IGF1R: variants seen among roughly 807,000 people sequenced by gnomAD.
The protein encoded by IGF1R is insulin like growth factor 1 receptor.
In IGF1R, 44 loss-of-function variants were observed where a neutral mutation model predicts 144.6. The ratio of observed to expected loss-of-function variants is 0.30; its 90% CI spans 0.24 to 0.39. The LOEUF (loss-of-function observed/expected upper bound fraction) is 0.39, where lower values mean the gene tolerates loss of function less well. IGF1R is among the 10% of genes least tolerant of loss of function. The pLI, the probability that IGF1R is intolerant of heterozygous loss-of-function variation, is 1.00. For missense variants in IGF1R, 1,355 were observed against 1,833.7 expected (o/e 0.74, Z 4.77); for synonymous variants, 795 against 722.8 (o/e 1.10, Z -1.60).
At position 98,896,857 on chromosome 15, in the gene IGF1R, G is replaced by A. The variant is rs1286181589; in HGVS notation, c.1054G>A (p.Gly352Arg). The change falls in exon 4 of 21, where the codon GGA (glycine) becomes AGA (arginine). Residue 352 changes from glycine to arginine, a missense_variant. Coordinates refer to ENST00000650285, the MANE Select transcript of IGF1R (RefSeq NM_000875.5). Reference sequence around the variant, plus strand: ...TGTTACTTCTGCTCAGATGCTCCAAGGATGCACCATCTTCAAGGGCAATTT... The same window carrying A: ...TGTTACTTCTGCTCAGATGCTCCAAAGATGCACCATCTTCAAGGGCAATTT... ...DSVTSAQMLQ[G>R]CTIFKGNLLI... is the part of the protein sequence containing the mutation. 1 of 1,614,002 alleles carries A rather than the reference G, an allele frequency of 6.2e-7. No homozygotes were observed. Among genetic ancestry groups the A allele is most frequent in the East Asian group, 2.2e-5 (1 of 44,878 alleles).
intron 12 of IGF1R, 32 bp from the exon 13 acceptor site, chr15:98,924,493 G>A (rs1438130811): frequency 5.0e-6 from 8 of 1,612,688 alleles, no homozygotes; most frequent in Middle Eastern, 1.7e-4. Flanking sequence ...CTGCATTCAT[G>A]GGAAATTGAC....
At chr15:98,809,761 G>A (rs557478232) in intron 2 of IGF1R, among the ~76,000 whole-genome samples, 15 of 152,312 alleles carry the variant, frequency 9.8e-5, no homozygotes, top group Admixed American at 9.8e-4. Flanking sequence ...TCAGCCCTCA[G>A]TGAGTGCCTG....
chr15:98,948,461 A>T, intron 19 of IGF1R, 113 bp from the exon 20 acceptor site: 1 of 1,134,116 alleles, frequency 8.8e-7, no homozygotes, highest in Non-Finnish European at 1.3e-6. Flanking sequence ...AAGCACTGTC[A>T]CCATAGTAAG....
At chr15:98,734,283 A>C (rs564706294) in intron 2 of IGF1R, among the ~76,000 whole-genome samples, 1 of 152,302 alleles carries the variant, frequency 6.6e-6, no homozygotes, top group South Asian at 2.1e-4. Context: ...GGACATGCCA[A>C]TGTTTTTTTC....
chr15:98,788,058 C>CTGTG (rs1462764560), intron 2 of IGF1R, among the ~76,000 whole-genome samples: 2,219 of 127,940 alleles, frequency 0.017, 23 homozygotes, highest in South Asian at 0.027. Context: ...CTCTCTCTCT[C>CTGTG]TCTCTGTGTG....
Position 98,724,255 on chromosome 15 carries a change from C to T in IGF1R, c.640+16148C>T, listed in dbSNP as rs116534702. On this transcript the variant is annotated intron_variant, in intron 2 of 20. Coordinates refer to ENST00000650285, the MANE Select transcript of IGF1R (RefSeq NM_000875.5). ...ACCAAGAACCTGTGAGCTTGCAAAACGCATTTTTAAGGAGTCTCAACTTTT... is the reference window on the plus strand; with the variant it reads ...ACCAAGAACCTGTGAGCTTGCAAAATGCATTTTTAAGGAGTCTCAACTTTT... Among the ~76,000 whole-genome samples, 800 of 152,276 alleles carry T rather than the reference C, an allele frequency of 5.3e-3. 8 individuals carry two copies. Among genetic ancestry groups the T allele is most frequent in the African/African-American group, 0.018 (761 of 41,552 alleles).
At chr15:98,821,048 C>T (rs1444493380) in intron 2 of IGF1R, 1 of 152,012 alleles carries the variant, frequency 6.6e-6, no homozygotes, top group Non-Finnish European at 1.5e-5. Flanking sequence ...ATGCTGATGC[C>T]GAATCCACTT....
chr15:98,899,466 T>C lies in IGF1R; in HGVS notation c.1103-11T>C. The C allele has an allele frequency of 6.2e-7, 1 of 1,613,508 alleles. No homozygotes were observed. The highest frequency in any genetic ancestry group is 8.5e-7 in the Non-Finnish European group (1 of 1,179,472). On this transcript the variant is annotated splice_polypyrimidine_tract_variant and intron_variant, in intron 4 of 20. Coordinates refer to ENST00000650285, the MANE Select transcript of IGF1R (RefSeq NM_000875.5). Reference sequence around the variant, plus strand: ...GTGAGCACACAGTGACACAATCCCCTTTCAATGTAGATAACATTGCTTCAG... The same window carrying C: ...GTGAGCACACAGTGACACAATCCCCCTTCAATGTAGATAACATTGCTTCAG...
chr15:98,679,946 A>G (rs1475653661), intron 1 of IGF1R, among the ~76,000 whole-genome samples: 2 of 152,108 alleles, frequency 1.3e-5, no homozygotes, highest in African/African-American at 4.8e-5. Flanking sequence ...AAGTTTAAAA[A>G]GTTAAAAAAA....
At chr15:98,909,272 T>C (rs1183149486) in intron 6 of IGF1R, among the ~76,000 whole-genome samples, 2 of 141,102 alleles carry the variant, frequency 1.4e-5, no homozygotes, top group Non-Finnish European at 3.1e-5. Context: ...TTTTTTTTTT[T>C]TTTTTTTGAG....
At chr15:98,949,890 G>T (rs1465503413) in intron 20 of IGF1R, among the ~76,000 whole-genome samples, 1 of 152,126 alleles carries the variant, frequency 6.6e-6, no homozygotes, top group Non-Finnish European at 1.5e-5. Context: ...AGGCCTTGTT[G>T]TCCTTCCTGG....
intron 2 of IGF1R, among the ~76,000 whole-genome samples, chr15:98,807,117 G>A (rs920098260): frequency 6.6e-6 from 1 of 152,222 alleles, no homozygotes; most frequent in South Asian, 2.1e-4. Flanking sequence ...CCCTGTACCT[G>A]GCTTACAGTT....
intron 2 of IGF1R, among the ~76,000 whole-genome samples, chr15:98,815,263 G>A (rs2056672205): frequency 6.6e-6 from 1 of 152,214 alleles, no homozygotes; most frequent in African/African-American, 2.4e-5. Flanking sequence ...AGGTCGAAAG[G>A]CAACAGAAAA....
intron 2 of IGF1R, among the ~76,000 whole-genome samples, chr15:98,849,958 C>T (rs533373271): frequency 6.6e-6 from 1 of 152,310 alleles, no homozygotes; most frequent in South Asian, 2.1e-4. Flanking sequence ...CAGAATAGCA[C>T]ATCTATAGAG....
At position 98,714,597 on chromosome 15, in the gene IGF1R, G is replaced by A. The variant is rs185964090; in HGVS notation, c.640+6490G>A. ...GGGGAGATGGAGGTTACAGTGAGCC[G>A]TGGTTGTGCCACTGCACTTCAGCCT... is the stretch of plus-strand genomic sequence containing the variant. On this transcript the variant is annotated intron_variant, in intron 2 of 20. Transcript: ENST00000650285. 5.4e-3 allele frequency among the ~76,000 whole-genome samples: 822 copies of A among 151,938 alleles called. 9 individuals are homozygous for A. Among genetic ancestry groups the A allele is most frequent in the African/African-American group, 0.019 (774 of 41,374 alleles).
At position 98,948,601 on chromosome 15, in the gene IGF1R, C is replaced by T. The variant is rs1879186337; in HGVS notation, c.3615C>T (p.Ile1205=). ...CCTTCGGGGTCGTCCTCTGGGAGAT[C>T]GCCACACTGGCCGAGCAGCCCTACC... The part of the protein sequence containing the change: ...VWSFGVVLWE[I]ATLAEQPYQG... Residue 1205 remains isoleucine (I), a synonymous_variant, in exon 20 of 21, where the codon ATC becomes ATT. Coordinates refer to ENST00000650285, the MANE Select transcript of IGF1R (RefSeq NM_000875.5). 5.6e-6 allele frequency: 9 copies of T among 1,614,112 alleles called. No individual in the cohort carries two copies. The highest frequency in any genetic ancestry group is 4.5e-5 in the East Asian group (2 of 44,868).
In IGF1R at chr15:98,962,065, T is replaced by G. The variant is rs2017248091; in HGVS notation, c.*4623T>G. ...TCCACTGAAGCTTTTCCCACAGCAG[T>G]CCACCTCTGCAGGCTGGCAGCCGAA... is the stretch of plus-strand genomic sequence containing the variant. On this transcript the variant is annotated 3_prime_UTR_variant, in exon 21 of 21. Transcript: ENST00000650285. 8.6e-6 allele frequency: 2 copies of G among 233,220 alleles called. No homozygotes were observed. The highest frequency in any genetic ancestry group is 1.7e-5 in the Non-Finnish European group (2 of 118,080). The allele number at this position is 233,220 out of a possible 1,614,324, so 14.4% of individuals were successfully genotyped here.
chr15:98,916,975 G>T, intron 10 of IGF1R, 99 bp downstream of exon 10: 1 of 1,016,626 alleles, frequency 9.8e-7, no homozygotes, highest in Non-Finnish European at 1.5e-6. Context: ...CAGCAGCTGG[G>T]GGGTACAATA....
At chr15:98,651,473 A>G (rs541775146) in intron 1 of IGF1R, among the ~76,000 whole-genome samples, 70 of 152,326 alleles carry the variant, frequency 4.6e-4, no homozygotes, top group African/African-American at 1.6e-3. Flanking sequence ...TCTTTAAAAG[A>G]TAAGTACGGT....
Sources: allele counts gnomAD v4.1 joint callset (sites outside exome capture counted in the v4.1 genomes callset), GRCh38; gene constraint gnomAD v4.1.1; transcripts MANE v1.5; gene names NCBI Gene and HGNC (gene_info 2026-07-23, HGNC 2026-07-21).